Variants in ZAN observed in about 807,000 individuals in gnomAD.
ZAN encodes zonadhesin, also known as zonadhesin (gene/pseudogene).
A neutral mutation model predicts 286.2 loss-of-function variants in ZAN; 260 were observed. The ratio of observed to expected loss-of-function variants is 0.91; its 90% CI spans 0.82 to 1.01. The LOEUF is 1.01. Ranked by LOEUF, ZAN falls within the 50% of genes least tolerant of loss-of-function variation. The probability of loss-of-function intolerance (pLI) is 0.00; values close to 1 mark genes in which losing one functional copy is unlikely to be tolerated. For missense variants in ZAN, 3,410 were observed against 3,639.2 expected, an observed-to-expected ratio of 0.94 and a Z score of 1.62; for synonymous variants, 1,368 against 1,417.5, an observed-to-expected ratio of 0.97 and a Z score of 0.79.
Position 100,794,019 on chromosome 7 carries a change from G to A in ZAN, c.7986+1G>A. On this transcript the variant is annotated splice_donor_variant, in intron 43 of 47. Coordinates refer to ENST00000613979, the MANE Select transcript of ZAN (RefSeq NM_003386.3). LOFTEE classifies it high-confidence loss of function. ...CACCAGCAATGGCATCTACTACCAG[G>A]TCTGAGCTGGCAGCAGGAGGCCCTG... is the stretch of plus-strand genomic sequence containing the variant. 1.2e-6 allele frequency: 2 copies of A among 1,612,978 alleles called. No individual in the cohort carries two copies. The highest frequency in any genetic ancestry group is 1.7e-6 in the Non-Finnish European group (2 of 1,179,556).
Position 100,793,877 on chromosome 7 carries a change from C to T in ZAN, c.7845C>T (p.Ile2615=), listed in dbSNP as rs780741559. The T allele has an allele frequency of 4.3e-6, 7 of 1,613,848 alleles. No individual in the cohort carries two copies. The highest frequency in any genetic ancestry group is 5.1e-6 in the Non-Finnish European group (6 of 1,179,800). Residue 2615 remains isoleucine, a synonymous_variant, in exon 43 of 48, where the codon ATC becomes ATT. Coordinates refer to ENST00000613979, the MANE Select transcript of ZAN (RefSeq NM_003386.3). Reference sequence around the variant, plus strand: ...AGCTGTATGACACCCTGCCCAGCATCCTGTGCCAACCTGGCAGACCCCGGG... The same window carrying T: ...AGCTGTATGACACCCTGCCCAGCATTCTGTGCCAACCTGGCAGACCCCGGG... ...ISELYDTLPS[I]LCQPGRPRGL... is the part of the protein sequence containing the mutation.
In ZAN at chr7:100,773,505, G is replaced by A; in HGVS notation, c.5634+12G>A. 1.2e-6 allele frequency: 2 copies of A among 1,612,228 alleles called. No homozygotes were observed. The highest frequency in any genetic ancestry group is 1.7e-6 in the Non-Finnish European group (2 of 1,179,340). ...GCTCCTACCACCCGGTGAGAGGCCA[G>A]CTAGGAGGGGCCCCGCCCTTTCCAG... On this transcript the variant is annotated intron_variant, in intron 30 of 47. Transcript: ENST00000613979.
Position 100,751,164 on chromosome 7 carries a change from C to A in ZAN, c.1522-18C>A. The A allele has an allele frequency of 6.3e-7, 1 of 1,581,250 alleles. No individual in the cohort carries two copies. The highest frequency in any genetic ancestry group is 8.6e-7 in the Non-Finnish European group (1 of 1,165,182). Reference sequence around the variant, plus strand: ...CATTTTTGTTTCTCTCTCCGTCTCTCTCCCTTGTCGCCTTTAGCTTATTTT... The same window carrying A: ...CATTTTTGTTTCTCTCTCCGTCTCTATCCCTTGTCGCCTTTAGCTTATTTT... On this transcript the variant is annotated intron_variant, in intron 12 of 47. Coordinates refer to ENST00000613979, the MANE Select transcript of ZAN (RefSeq NM_003386.3).
In ZAN at chr7:100,792,837, C is replaced by T. The variant is rs77243308; in HGVS notation, c.7787+358C>T. Among the ~76,000 whole-genome samples, 2,926 of 151,752 alleles carry T rather than the reference C, an allele frequency of 0.019. 99 individuals are homozygous for T. Among genetic ancestry groups the T allele is most frequent in the African/African-American group, 0.067 (2,764 of 41,366 alleles). ...TGTTGCAGACCCTGGATGGGCTGGG[C>T]GTGGTGGTTCACACCTGTAATCCCA... is the stretch of plus-strand genomic sequence containing the variant. On this transcript the variant is annotated intron_variant, in intron 42 of 47. Coordinates refer to ENST00000613979, the MANE Select transcript of ZAN (RefSeq NM_003386.3).
chr7:100,749,099 G>A (rs1354808515), intron 11 of ZAN, among the ~76,000 whole-genome samples: 6 of 151,974 alleles, frequency 3.9e-5, no homozygotes, highest in Non-Finnish European at 7.4e-5. Flanking sequence ...CAGCACTTTG[G>A]GAGGCCGAGG....
intron 15 of ZAN, 53 bp downstream of exon 15, chr7:100,755,463 C>T (rs1809081993): frequency 1.3e-6 from 2 of 1,583,182 alleles, no homozygotes; most frequent in Non-Finnish European, 8.6e-7. Flanking sequence ...GGCAGAACAC[C>T]TGGGTTCCAG....
At chr7:100,786,425 G>A (rs1466414028) in intron 37 of ZAN, among the ~76,000 whole-genome samples, 2 of 151,822 alleles carry the variant, frequency 1.3e-5, no homozygotes, top group Admixed American at 1.3e-4. Context: ...TTTGTTTTTT[G>A]AGATAGGGTC....
rs1809780879 is a variant in ZAN, at chr7:100,764,076, C to T, written c.4147C>T (p.Leu1383Phe). The T allele has an allele frequency of 1.2e-6, 2 of 1,613,838 alleles. No individual in the cohort carries two copies. Among genetic ancestry groups the T allele is most frequent in the East Asian group, 4.5e-5 (2 of 44,884 alleles). Residue 1383 changes from leucine to phenylalanine, a missense_variant, in exon 22 of 48, where the codon CTT becomes TTT. Leu to Phe is a conservative substitution (Grantham distance 22, BLOSUM62 0). Transcript: ENST00000613979. ...KAASFFDSCM[L>F]DMCGFQGLQH... The stretch of plus-strand genomic sequence containing the variant: ...CGCTTCCTTCTTCGACAGCTGCATG[C>T]TTGATATGTGCGGATTCCAGGGGCT...
At chr7:100,738,775 A>G (rs1298327473) in intron 7 of ZAN, among the ~76,000 whole-genome samples, 162 bp downstream of exon 7, 1 of 131,722 alleles carries the variant, frequency 7.6e-6, no homozygotes, top group Non-Finnish European at 1.7e-5. Context: ...AGCCTCCCCC[A>G]CCACCGCCCT....
rs767734703 is a variant in ZAN at position 100,752,512 on chromosome 7, A to AC, written c.2412dup (p.Thr805HisfsTer2). On this transcript the variant is annotated frameshift_variant, in exon 14 of 48. Transcript: ENST00000613979. LOFTEE classifies it high-confidence loss of function. ...CACCATCTCCACAGAAGAGCCCACCACCCCCACTGAGGAGACCACCATCTC... is the reference window on the plus strand; with the variant it reads ...CACCATCTCCACAGAAGAGCCCACCACCCCCCACTGAGGAGACCACCATCTC... 4.0e-5 allele frequency: 64 copies of AC among 1,611,096 alleles called. No individual in the cohort carries two copies. The highest frequency in any genetic ancestry group is 5.0e-5 in the Admixed American group (3 of 59,588).
intron 18 of ZAN, 34 bp from the exon 19 acceptor site, chr7:100,760,357 T>C: frequency 6.2e-7 from 1 of 1,607,466 alleles, no homozygotes; most frequent in South Asian, 1.1e-5. Flanking sequence ...GACCCCCAGC[T>C]CTGTCTGTCT....
chr7:100,764,955 C>A (rs1809852033), intron 22 of ZAN, among the ~76,000 whole-genome samples: 1 of 152,140 alleles, frequency 6.6e-6, no homozygotes, highest in African/African-American at 2.4e-5. Flanking sequence ...GCAGGGGAGG[C>A]AACGAGGCTG....
chr7:100,743,668 C>T (rs577107160), intron 7 of ZAN, among the ~76,000 whole-genome samples: 3 of 149,398 alleles, frequency 2.0e-5, no homozygotes, highest in Admixed American at 1.3e-4. Context: ...CTTGAGGCCA[C>T]GAGTTCAAGA....
intron 19 of ZAN, among the ~76,000 whole-genome samples, chr7:100,761,191 G>A (rs1358297336): frequency 3.9e-5 from 6 of 152,080 alleles, no homozygotes; most frequent in Non-Finnish European, 8.8e-5. Context: ...TGTGCCCGGC[G>A]AAAGAAAGAC....
Position 100,775,455 on chromosome 7 carries a change from C to T in ZAN, c.5907C>T (p.Phe1969=). The T allele has an allele frequency of 6.2e-7, 1 of 1,613,622 alleles. No individual in the cohort carries two copies. ...KVCHPAMALP[F]FKISAKHEKE... ...GCCACCCCGCCATGGCCTTGCCCTTCTTCAAGATCAGTGCCAAGCATGAGA... is the reference window on the plus strand; with the variant it reads ...GCCACCCCGCCATGGCCTTGCCCTTTTTCAAGATCAGTGCCAAGCATGAGA... Residue 1969 remains phenylalanine, a synonymous_variant, in exon 32 of 48, where the codon TTC becomes TTT. Coordinates refer to ENST00000613979, the MANE Select transcript of ZAN (RefSeq NM_003386.3).
Position 100,789,334 on chromosome 7 carries a change from A to C in ZAN, c.7344A>C (p.Gly2448=). Residue 2448 remains glycine, a synonymous_variant, in exon 39 of 48, where the codon GGA becomes GGC. Transcript: ENST00000613979. ...TDFELVVSFG[G]RKNAVISLPS... is the part of the protein sequence containing the mutation. ...TTGAGCTGGTCGTCAGCTTTGGTGGAAGGAAAAATGCAGGTAATGGAGAGA... is the reference window on the plus strand; with the variant it reads ...TTGAGCTGGTCGTCAGCTTTGGTGGCAGGAAAAATGCAGGTAATGGAGAGA... The C allele has an allele frequency of 6.2e-7, 1 of 1,613,598 alleles. No homozygotes were observed. The highest frequency in any genetic ancestry group is 1.1e-5 in the South Asian group (1 of 90,964).
intron 39 of ZAN, 44 bp downstream of exon 39, chr7:100,789,391 G>A (rs748075440): frequency 2.5e-6 from 4 of 1,601,534 alleles, no homozygotes; most frequent in Non-Finnish European, 3.4e-6. Context: ...CCATTTCTGG[G>A]AAGTGGGAGG....
chr7:100,746,910 G>A (rs545018777), intron 8 of ZAN, among the ~76,000 whole-genome samples: 2 of 152,168 alleles, frequency 1.3e-5, no homozygotes, highest in South Asian at 4.1e-4. Flanking sequence ...GACCATCCTG[G>A]CTAACATGGT....
At chr7:100,733,959 C>T in intron 1 of ZAN, 68 bp from the exon 2 acceptor site, 1 of 390,872 alleles carries the variant, frequency 2.6e-6, no homozygotes. Flanking sequence ...AGTTTATTTC[C>T]CTCGATTTCA....
Sources: gnomAD v4.1 joint callset for allele counts (sites outside exome capture counted in the v4.1 genomes callset) on GRCh38, gnomAD v4.1.1 for gene constraint, MANE v1.5 for transcripts, NCBI Gene and HGNC (gene_info 2026-07-23, HGNC 2026-07-21) for gene names.